SHANK2: variants seen among roughly 807,000 people sequenced by gnomAD.
The protein encoded by SHANK2 is SH3 and multiple ankyrin repeat domains protein 2.
In SHANK2, 43 loss-of-function variants were observed where a neutral mutation model predicts 133.7. The ratio of observed to expected loss-of-function variants is 0.32; its 90% CI spans 0.25 to 0.41. The LOEUF (loss-of-function observed/expected upper bound fraction) is 0.41. SHANK2 is among the 10% of genes least tolerant of loss of function. The pLI, the probability that SHANK2 is intolerant of heterozygous loss-of-function variation, is 1.00. For synonymous variants in SHANK2, 1,017 were observed against 952.8 expected (o/e 1.07, Z -1.24); for missense variants, 1,994 against 2,235.8 (o/e 0.89, Z 2.18).
intron 10 of SHANK2, among the ~76,000 whole-genome samples, chr11:70,921,818 A>G (rs528711508): frequency 6.6e-6 from 1 of 152,338 alleles, no homozygotes; most frequent in South Asian, 2.1e-4. Flanking sequence ...ATCCTCTCTG[A>G]AAGAAAATAA....
At chr11:70,558,791 A>G (rs2136118438) in intron 17 of SHANK2, among the ~76,000 whole-genome samples, 1 of 152,300 alleles carries the variant, frequency 6.6e-6, no homozygotes, top group East Asian at 1.9e-4. Flanking sequence ...GAGCGCAGGG[A>G]TGAGGCAGCT....
intron 15 of SHANK2, among the ~76,000 whole-genome samples, chr11:70,684,814 C>G (rs1322138727): frequency 6.6e-6 from 1 of 152,070 alleles, no homozygotes; most frequent in Admixed American, 6.5e-5. Context: ...CCCTGTCTGA[C>G]CGGCTGCAGC....
intron 14 of SHANK2, among the ~76,000 whole-genome samples, chr11:70,713,184 G>T (rs989194965): frequency 1.3e-5 from 2 of 152,238 alleles, no homozygotes; most frequent in African/African-American, 4.8e-5. Context: ...CAGATCTATG[G>T]ACTCCAAATC....
intron 10 of SHANK2, among the ~76,000 whole-genome samples, chr11:70,923,489 G>A (rs552222434): frequency 1.3e-5 from 2 of 152,202 alleles, no homozygotes; most frequent in South Asian, 2.1e-4. Flanking sequence ...TGATCCGCCC[G>A]TCTCCACCTC....
At chr11:70,550,599 C>T (rs1050904526) in intron 17 of SHANK2, among the ~76,000 whole-genome samples, 5 of 152,172 alleles carry the variant, frequency 3.3e-5, no homozygotes, top group Non-Finnish European at 1.5e-5. Flanking sequence ...TCCAAGGGGT[C>T]GGCTCGCATT....
At chr11:70,749,969 C>T (rs945907301) in intron 14 of SHANK2, among the ~76,000 whole-genome samples, 7 of 152,130 alleles carry the variant, frequency 4.6e-5, no homozygotes, top group East Asian at 3.8e-4. Context: ...ATGAAAGAAA[C>T]GAATGCACAG....
intron 14 of SHANK2, among the ~76,000 whole-genome samples, chr11:70,791,820 TG>T (rs1947791978): frequency 6.6e-6 from 1 of 152,198 alleles, no homozygotes; most frequent in South Asian, 2.1e-4. Context: ...ACTCCCTATC[TG>T]TGTGCTCCGA....
At chr11:71,100,415 A>G (rs117467179) in intron 6 of SHANK2, among the ~76,000 whole-genome samples, 2,022 of 152,366 alleles carry the variant, frequency 0.013, 15 homozygotes, top group East Asian at 0.047. Flanking sequence ...ACATGCAGAC[A>G]ACAAGATGTT....
At chr11:70,820,773 G>C (rs566936809) in intron 11 of SHANK2, 91 bp from the exon 12 acceptor site, 1 of 577,678 alleles carries the variant, frequency 1.7e-6, no homozygotes, top group Non-Finnish European at 3.1e-6. Flanking sequence ...GCCTGCGTGC[G>C]TCCAAGCCCC....
chr11:70,745,653 G>A (rs1364396626), intron 14 of SHANK2, among the ~76,000 whole-genome samples: 2 of 152,134 alleles, frequency 1.3e-5, no homozygotes, highest in African/African-American at 4.8e-5. Flanking sequence ...TGTAGAGTAA[G>A]CTTGGATGGG....
At chr11:70,594,147 C>T (rs782564656) in intron 17 of SHANK2, among the ~76,000 whole-genome samples, 5 of 152,300 alleles carry the variant, frequency 3.3e-5, no homozygotes, top group African/African-American at 7.2e-5. Context: ...ATAAACAATG[C>T]CCATCCACAG....
At chr11:71,122,999 T>G (rs1428919514) in intron 3 of SHANK2, among the ~76,000 whole-genome samples, 5 of 152,064 alleles carry the variant, frequency 3.3e-5, no homozygotes, top group South Asian at 2.1e-4. Context: ...AACAGCAGCA[T>G]CATCATCTCT....
At chr11:71,246,578 G>T (rs905284195) in intron 1 of SHANK2, among the ~76,000 whole-genome samples, 1 of 152,132 alleles carries the variant, frequency 6.6e-6, no homozygotes, top group Non-Finnish European at 1.5e-5. Context: ...TCAAACTGAG[G>T]TGCAAGGACC....
intron 9 of SHANK2, among the ~76,000 whole-genome samples, chr11:71,060,241 A>G (rs1565430444): frequency 6.6e-6 from 1 of 152,194 alleles, no homozygotes; most frequent in Non-Finnish European, 1.5e-5. Flanking sequence ...GCATCCTGCA[A>G]TTAATAGGAC....
Position 70,711,054 on chromosome 11 carries a change from C to T in SHANK2, c.1778-12291G>A, listed in dbSNP as rs1242389301. 4.3e-4 allele frequency among the ~76,000 whole-genome samples: 66 copies of T among 152,316 alleles called. 1 individual carries two copies. Among genetic ancestry groups the T allele is most frequent in the Non-Finnish European group, 1.5e-5 (1 of 68,030 alleles). On this transcript the variant is annotated intron_variant, in intron 14 of 25. Coordinates refer to ENST00000601538, the MANE Select transcript of SHANK2 (RefSeq NM_012309.5). ...GTGAAGGGAATTCCCAGAACATCTTCCCTTCTTCCCTCCCTTGAAATCCAT... is the reference window on the plus strand; with the variant it reads ...GTGAAGGGAATTCCCAGAACATCTTTCCTTCTTCCCTCCCTTGAAATCCAT...
At chr11:70,863,273 T>C in intron 11 of SHANK2, 2 of 454,244 alleles carry the variant, frequency 4.4e-6, no homozygotes, top group South Asian at 3.1e-5. Flanking sequence ...GACATGGCTG[T>C]CTCTGTTTCA....
chr11:70,499,035 G>A (rs2059012524), intron 21 of SHANK2, among the ~76,000 whole-genome samples: 2 of 152,220 alleles, frequency 1.3e-5, no homozygotes, highest in South Asian at 4.1e-4. Context: ...TGGCCTTTCT[G>A]GAGTGTGACG....
intron 10 of SHANK2, among the ~76,000 whole-genome samples, chr11:70,930,184 A>C (rs1950483198): frequency 6.6e-6 from 1 of 152,194 alleles, no homozygotes; most frequent in Admixed American, 6.5e-5. Flanking sequence ...CCAATCATTC[A>C]ATCTCTCCCT....
At chr11:70,572,079 C>A (rs76506815) in intron 17 of SHANK2, among the ~76,000 whole-genome samples, 3,556 of 152,348 alleles carry the variant, frequency 0.023, 78 homozygotes, top group East Asian at 0.095. Flanking sequence ...GCCATCTCCA[C>A]ACCAGGGACA....
Sources: allele counts gnomAD v4.1 joint callset (sites outside exome capture counted in the v4.1 genomes callset), GRCh38; gene constraint gnomAD v4.1.1; transcripts MANE v1.5; gene names NCBI Gene and HGNC (gene_info 2026-07-23, HGNC 2026-07-21).